TARS3: variants seen among roughly 807,000 people sequenced by gnomAD.
The protein encoded by TARS3 is threonyl-tRNA synthetase 3.
A neutral mutation model predicts 103.5 loss-of-function variants in TARS3; 94 were observed. The ratio of observed to expected loss-of-function variants is 0.91; its 90% CI spans 0.77 to 1.08. The LOEUF is 1.08. TARS3 is among the 50% of genes least tolerant of loss of function. TARS3 has a pLI of 0.00. For missense variants in TARS3, 952 were observed against 995.2 expected (o/e 0.96, Z 0.58); for synonymous variants, 416 against 355.4 (o/e 1.17, Z -1.92).
At position 101,705,752 on chromosome 15, in the gene TARS3, G is replaced by A. The variant is rs373900323; in HGVS notation, c.931-5C>T. ...GCGGCATTTAAATTTATTGTACTAC[G>A]AAGAAAAACATATTTACACATTATT... On this transcript the variant is annotated splice_polypyrimidine_tract_variant and splice_region_variant and intron_variant, in intron 6 of 18. Coordinates refer to ENST00000335968, the MANE Select transcript of TARS3 (RefSeq NM_152334.3). 6.5e-5 allele frequency: 103 copies of A among 1,595,304 alleles called. 1 individual carries two copies. The highest frequency in any genetic ancestry group is 4.2e-4 in the South Asian group (38 of 89,444).
At chr15:101,713,402 G>A (rs1899961371) in intron 4 of TARS3, among the ~76,000 whole-genome samples, 2 of 152,178 alleles carry the variant, frequency 1.3e-5, no homozygotes, top group African/African-American at 4.8e-5. Context: ...AGGGTTTTAA[G>A]CAAAATGATT....
chr15:101,703,710 T>C (rs1899398117), intron 8 of TARS3, 149 bp downstream of exon 8: 4 of 608,190 alleles, frequency 6.6e-6, no homozygotes, highest in Middle Eastern at 8.7e-4. Flanking sequence ...TCTAAATGAT[T>C]TTATTAGTTT....
At chr15:101,709,069 C>T (rs1414521561) in intron 5 of TARS3, among the ~76,000 whole-genome samples, 159 bp from the exon 6 acceptor site, 1 of 152,208 alleles carries the variant, frequency 6.6e-6, no homozygotes, top group Non-Finnish European at 1.5e-5. Flanking sequence ...ACTCTTGTGT[C>T]TCAGTGAGGG....
intron 8 of TARS3, among the ~76,000 whole-genome samples, chr15:101,703,534 G>A (rs1199227689): frequency 6.6e-6 from 1 of 152,018 alleles, no homozygotes; most frequent in African/African-American, 2.4e-5. Context: ...AGATTGCAGT[G>A]AGCCAAGATC....
intron 3 of TARS3, among the ~76,000 whole-genome samples, chr15:101,720,806 G>C (rs1567361779): frequency 6.6e-6 from 1 of 152,134 alleles, no homozygotes; most frequent in Non-Finnish European, 1.5e-5. Flanking sequence ...CTTTGATAGT[G>C]AGTGCATTCT....
At chr15:101,659,664 C>G (rs556077994) in intron 16 of TARS3, among the ~76,000 whole-genome samples, 149 of 152,288 alleles carry the variant, frequency 9.8e-4, no homozygotes, top group African/African-American at 3.5e-3. Context: ...TGCAACCATT[C>G]TAATGCAAAA....
At chr15:101,662,163 C>G (rs1330406936) in intron 15 of TARS3, among the ~76,000 whole-genome samples, 1 of 152,132 alleles carries the variant, frequency 6.6e-6, no homozygotes, top group Non-Finnish European at 1.5e-5. Context: ...ACATTATAAT[C>G]TTCATTTTTA....
chr15:101,654,311 C>A lies in TARS3; in HGVS notation c.*271G>T. 1 of 335,752 alleles carries A rather than the reference C, an allele frequency of 3.0e-6. No homozygotes were observed. The highest frequency in any genetic ancestry group is 5.3e-6 in the Non-Finnish European group (1 of 188,788). The allele number at this position is 335,752 out of a possible 1,614,324, so 20.8% of individuals were successfully genotyped here. A position where few individuals can be genotyped will look rare whatever the true frequency, so the allele number is the denominator to read the frequency against. On this transcript the variant is annotated 3_prime_UTR_variant, in exon 19 of 19. Transcript: ENST00000335968. ...ATAATCATTTCCTAGTGTTTTGTTTCACTTTCTCGATGAATAATATTTCCC... is the reference window on the plus strand; with the variant it reads ...ATAATCATTTCCTAGTGTTTTGTTTAACTTTCTCGATGAATAATATTTCCC...
At chr15:101,667,628 T>G (rs898620385) in intron 15 of TARS3, among the ~76,000 whole-genome samples, 1 of 152,112 alleles carries the variant, frequency 6.6e-6, no homozygotes. Flanking sequence ...TGGAGTGCAG[T>G]GGCGTGGTCT....
chr15:101,673,111 A>G (rs1333727137), intron 13 of TARS3, among the ~76,000 whole-genome samples: 3 of 152,188 alleles, frequency 2.0e-5, no homozygotes, highest in African/African-American at 4.8e-5. Context: ...AAATATTTCA[A>G]TGCTCACCTC....
intron 10 of TARS3, 48 bp from the exon 11 acceptor site, chr15:101,686,110 A>C: frequency 6.7e-7 from 1 of 1,493,264 alleles, no homozygotes; most frequent in Non-Finnish European, 9.1e-7. Flanking sequence ...GGCAGATCAC[A>C]ATTCCATGCA....
intron 10 of TARS3, among the ~76,000 whole-genome samples, chr15:101,695,474 A>C (rs187518139): frequency 1.3e-4 from 20 of 152,294 alleles, no homozygotes; most frequent in Admixed American, 8.5e-4. Context: ...TGGACTTTCC[A>C]CATTATGTTT....
intron 13 of TARS3, among the ~76,000 whole-genome samples, chr15:101,672,340 T>C (rs112121147): frequency 3.3e-5 from 5 of 152,304 alleles, no homozygotes; most frequent in African/African-American, 9.6e-5. Context: ...TGTTCCACAT[T>C]GAAGGTGAGG....
intron 5 of TARS3, among the ~76,000 whole-genome samples, 185 bp from the exon 6 acceptor site, chr15:101,709,095 A>G (rs1212850727): frequency 6.6e-6 from 1 of 152,234 alleles, no homozygotes; most frequent in Non-Finnish European, 1.5e-5. Flanking sequence ...GGGCATCAAC[A>G]GTTGCCAAGA....
At chr15:101,660,649 C>A (rs979257016) in intron 16 of TARS3, among the ~76,000 whole-genome samples, 3 of 152,202 alleles carry the variant, frequency 2.0e-5, no homozygotes. Flanking sequence ...AGACCACTGG[C>A]TATTACCCCA....
At chr15:101,703,352 G>A (rs1312572515) in intron 8 of TARS3, among the ~76,000 whole-genome samples, 1 of 152,196 alleles carries the variant, frequency 6.6e-6, no homozygotes, top group Non-Finnish European at 1.5e-5. Flanking sequence ...CACTTCGGGA[G>A]GCTGAGGCAG....
At chr15:101,719,779 G>T (rs890461204) in intron 3 of TARS3, among the ~76,000 whole-genome samples, 5 of 152,218 alleles carry the variant, frequency 3.3e-5, no homozygotes, top group Admixed American at 3.3e-4. Flanking sequence ...AGATCAACAA[G>T]ATGGGAGGAA....
chr15:101,696,887 G>C (rs1197423483), intron 10 of TARS3, among the ~76,000 whole-genome samples: 1 of 152,140 alleles, frequency 6.6e-6, no homozygotes, highest in East Asian at 1.9e-4. Context: ...GTTCTGGTTG[G>C]TTTATAAAGG....
intron 10 of TARS3, among the ~76,000 whole-genome samples, chr15:101,691,333 G>A (rs989458607): frequency 6.6e-6 from 1 of 151,606 alleles, no homozygotes; most frequent in Admixed American, 6.6e-5. Context: ...AGGCTGGAGT[G>A]CAGTGGCACA....
Sources: gnomAD v4.1 joint callset for allele counts (sites outside exome capture counted in the v4.1 genomes callset) on GRCh38, gnomAD v4.1.1 for gene constraint, MANE v1.5 for transcripts, NCBI Gene and HGNC (gene_info 2026-07-23, HGNC 2026-07-21) for gene names.